The following MGAT5B variants were observed in gnomAD, a reference collection of about 807,000 sequenced individuals.
MGAT5B encodes the protein alpha-1,6-mannosylglycoprotein 6-beta-N-acetylglucosaminyltransferase B.
MGAT5B carries 54 observed loss-of-function variants against 95.1 expected under a neutral mutation model. The ratio of observed to expected loss-of-function variants is 0.57; its 90% CI spans 0.46 to 0.71. The LOEUF is 0.71. Among genes scored for constraint, MGAT5B ranks in the 30% least tolerant of loss-of-function variants. The pLI is 0.00. For synonymous variants in MGAT5B, 464 were observed against 451.0 expected (o/e 1.03, Z -0.36); for missense variants, 935 against 1,088.6 (o/e 0.86, Z 1.99).
At chr17:76,872,528 G>T in intron 1 of MGAT5B, 1 of 760,282 alleles carries the variant, frequency 1.3e-6, no homozygotes, top group Non-Finnish European at 2.0e-6. Context: ...TGCTCGTCTG[G>T]GGACTGCACT....
chr17:76,947,068 GC>G (rs1189481889), intron 16 of MGAT5B, among the ~76,000 whole-genome samples: 1 of 152,226 alleles, frequency 6.6e-6, no homozygotes, highest in East Asian at 1.9e-4. Flanking sequence ...GTGGATCTGA[GC>G]CACCATGAGG....
chr17:76,903,200 G>C, intron 4 of MGAT5B, 103 bp from the exon 5 acceptor site: 1 of 879,360 alleles, frequency 1.1e-6, no homozygotes, highest in Non-Finnish European at 1.8e-6. Context: ...AGGTGGGAAA[G>C]CCTGGCAGCG....
intron 2 of MGAT5B, 50 bp from the exon 3 acceptor site, chr17:76,882,101 C>G (rs753616063): frequency 6.4e-7 from 1 of 1,550,594 alleles, no homozygotes; most frequent in Non-Finnish European, 8.8e-7. Context: ...CACCAGGTGG[C>G]CTCCAGGCTG....
chr17:76,923,830 T>G (rs78445198), intron 8 of MGAT5B: 10,233 of 152,162 alleles, frequency 0.067, 500 homozygotes, highest in East Asian at 0.26. Flanking sequence ...AGGGGGTGTT[T>G]GGGGAAGCGG....
chr17:76,933,392 G>A, intron 12 of MGAT5B, 95 bp downstream of exon 12: 2 of 1,509,232 alleles, frequency 1.3e-6, no homozygotes, highest in Non-Finnish European at 1.8e-6. Flanking sequence ...ATGTTCTCCT[G>A]ACTCAGGCTC....
rs143424733 is a variant in MGAT5B, at chr17:76,874,202, C to T, written c.181+1239C>T. Among the ~76,000 whole-genome samples the T allele has an allele frequency of 7.8e-3, 1,192 of 152,276 alleles. 17 individuals carry two copies. The highest frequency in any genetic ancestry group is 0.027 in the African/African-American group (1,125 of 41,556). The stretch of plus-strand genomic sequence containing the variant: ...TCTGGTAAATGGGGATGGTAATACC[C>T]ACTTCCCAGGCTCGTTGCGAGGCTG... On this transcript the variant is annotated intron_variant, in intron 2 of 17. Coordinates refer to ENST00000569840, the MANE Select transcript of MGAT5B (RefSeq NM_001199172.2).
chr17:76,946,350 C>T, intron 15 of MGAT5B, 26 bp from the exon 16 acceptor site: 1 of 1,595,546 alleles, frequency 6.3e-7, no homozygotes, highest in Non-Finnish European at 8.6e-7. Flanking sequence ...TCTCCCGCCC[C>T]ATGTGTCTGC....
At chr17:76,927,129 T>C (rs1328323265) in intron 10 of MGAT5B, among the ~76,000 whole-genome samples, 2 of 152,104 alleles carry the variant, frequency 1.3e-5, no homozygotes, top group African/African-American at 4.8e-5. Context: ...TGGGAACAGA[T>C]GCAGTAAAGA....
In MGAT5B at chr17:76,870,317, G is replaced by A. The variant is rs1053146258; in HGVS notation, c.68+1220G>A. Among the ~76,000 whole-genome samples the A allele has an allele frequency of 6.6e-6, 1 of 152,156 alleles. No individual in the cohort carries two copies. Among genetic ancestry groups the A allele is most frequent in the Non-Finnish European group, 1.5e-5 (1 of 67,996 alleles). ...CTGGACCTCTGCGGTCCGGGGGTCCGGGAGGCCCGGAGAGCTGGTGCAGGC... is the reference window on the plus strand; with the variant it reads ...CTGGACCTCTGCGGTCCGGGGGTCCAGGAGGCCCGGAGAGCTGGTGCAGGC... On this transcript the variant is annotated intron_variant, in intron 1 of 17. Transcript: ENST00000569840. This position sits in a 1 kb window ranked among gnomAD's most constrained non-coding sequence, Gnocchi z 5.0.
rs1040732139 is a variant in MGAT5B, at chr17:76,940,695, G to C, written c.1732-37G>C. ...TTCTTTGTCCCTGTCCCACTGGCAG[G>C]CACGGGGGGCATCTGCAATCTCTGT... is the stretch of plus-strand genomic sequence containing the variant. On this transcript the variant is annotated intron_variant, in intron 14 of 17. Transcript: ENST00000569840. This position sits in a 1 kb window ranked among gnomAD's most constrained non-coding sequence, Gnocchi z 4.3. 1 of 1,607,630 alleles carries C rather than the reference G, an allele frequency of 6.2e-7. No individual in the cohort carries two copies. The highest frequency in any genetic ancestry group is 8.5e-7 in the Non-Finnish European group (1 of 1,174,750).
chr17:76,946,512 G>C, intron 16 of MGAT5B, 62 bp downstream of exon 16: 3 of 1,423,202 alleles, frequency 2.1e-6, no homozygotes, highest in Non-Finnish European at 2.8e-6. Flanking sequence ...GGCTGAGCCA[G>C]CTTCATTGTC....
In MGAT5B at chr17:76,930,996, T is replaced by C. The variant is rs556461628; in HGVS notation, c.1292-1649T>C. On this transcript the variant is annotated intron_variant, in intron 10 of 17. Coordinates refer to ENST00000569840, the MANE Select transcript of MGAT5B (RefSeq NM_001199172.2). This position sits in a 1 kb window ranked among gnomAD's most constrained non-coding sequence, Gnocchi z 4.1. ...TTTTCCCCTGTCTCATCCATCTTTG[T>C]CCAGCATTCATAAAGCCAGCCCAGG... is the stretch of plus-strand genomic sequence containing the variant. Among the ~76,000 whole-genome samples the C allele has an allele frequency of 6.6e-6, 1 of 152,332 alleles. No homozygotes were observed. Among genetic ancestry groups the C allele is most frequent in the East Asian group, 1.9e-4 (1 of 5,186 alleles).
chr17:76,903,397 G>A (rs771075025), intron 5 of MGAT5B, 21 bp downstream of exon 5: 122 of 1,598,922 alleles, frequency 7.6e-5, no homozygotes, highest in Non-Finnish European at 9.7e-5. Flanking sequence ...GGGCTGAGGG[G>A]TGGGGATGTC....
rs183758908 is a variant in MGAT5B at position 76,882,480 on chromosome 17, G to C, written c.329+182G>C. The stretch of plus-strand genomic sequence containing the variant: ...CAACCGTTAACATTTGGTCACATTT[G>C]TGGCCTGTTTTCCTCTTTAAATAAA... On this transcript the variant is annotated intron_variant, in intron 3 of 17. Coordinates refer to ENST00000569840, the MANE Select transcript of MGAT5B (RefSeq NM_001199172.2). 225 of 697,378 alleles carry C rather than the reference G, an allele frequency of 3.2e-4. No homozygotes were observed. In the African/African-American group the frequency reaches 3.7e-3, roughly 12 times the overall value. 43.2% of individuals were successfully genotyped at this position (697,378 alleles called of 1,614,324 possible).
chr17:76,932,122 TG>T (rs1969510085), intron 10 of MGAT5B, among the ~76,000 whole-genome samples: 1 of 81,862 alleles, frequency 1.2e-5, no homozygotes, highest in African/African-American at 4.3e-5. Context: ...TCGTCTTCTT[TG>T]TCTTCTCCTT....
intron 8 of MGAT5B, among the ~76,000 whole-genome samples, chr17:76,911,421 A>G (rs1437608111): frequency 2.0e-5 from 3 of 152,206 alleles, no homozygotes; most frequent in African/African-American, 7.2e-5. Flanking sequence ...GAGAGCACCC[A>G]GGATACCCTT....
rs1047026505 is a variant in MGAT5B, at chr17:76,915,446, G to A, written c.1025+9259G>A. Reference sequence around the variant, plus strand: ...AAGCCAGGTGGAGGCAGCGGGAGACGCGAGGAAGTGGACAAGACCGAAAAA... The same window carrying A: ...AAGCCAGGTGGAGGCAGCGGGAGACACGAGGAAGTGGACAAGACCGAAAAA... On this transcript the variant is annotated intron_variant, in intron 8 of 17. Coordinates refer to ENST00000569840, the MANE Select transcript of MGAT5B (RefSeq NM_001199172.2). This position sits in a 1 kb window ranked among gnomAD's most constrained non-coding sequence, Gnocchi z 8.7. Among the ~76,000 whole-genome samples the A allele has an allele frequency of 3.9e-5, 6 of 152,014 alleles. No homozygotes were observed. The highest frequency in any genetic ancestry group is 6.5e-5 in the Admixed American group (1 of 15,272).
At chr17:76,880,835 G>A (rs1334116990) in intron 2 of MGAT5B, among the ~76,000 whole-genome samples, 5 of 152,168 alleles carry the variant, frequency 3.3e-5, no homozygotes, top group South Asian at 4.1e-4. Context: ...CAGCTTCCCC[G>A]TCTCTCTTCC....
chr17:76,904,126 A>T, intron 5 of MGAT5B, 126 bp from the exon 6 acceptor site: 1 of 940,992 alleles, frequency 1.1e-6, no homozygotes, highest in Non-Finnish European at 1.6e-6. Context: ...CCCCTGTTGC[A>T]TCAGTAGGGT....
Sources: allele counts gnomAD v4.1 joint callset (sites outside exome capture counted in the v4.1 genomes callset), GRCh38; gene constraint gnomAD v4.1.1; non-coding constraint Gnocchi (gnomAD v3.1); transcripts MANE v1.5; gene names NCBI Gene and HGNC (gene_info 2026-07-23, HGNC 2026-07-21).